TLR6: variants seen among roughly 807,000 people sequenced by gnomAD.
TLR6 encodes the protein toll like receptor 6.
TLR6 carries 9 observed loss-of-function variants against 16.1 expected under a neutral mutation model. The observed-to-expected ratio is 0.56, with a 90% CI of 0.34 to 0.98. The LOEUF (loss-of-function observed/expected upper bound fraction) is 0.98. TLR6 is among the 50% of genes least tolerant of loss of function. The pLI is 0.02. For missense variants in TLR6, 786 were observed against 921.0 expected (o/e 0.85, Z 1.90); for synonymous variants, 340 against 338.6 (o/e 1.00, Z -0.04).
At chr4:38,833,750 C>T (rs1457498871) in intron 1 of TLR6, among the ~76,000 whole-genome samples, 3 of 151,950 alleles carry the variant, frequency 2.0e-5, no homozygotes, top group Admixed American at 1.3e-4. Flanking sequence ...AATAATGATA[C>T]TAAAGAAACT....
At chr4:38,843,305 G>A (rs1395099507) in intron 1 of TLR6, among the ~76,000 whole-genome samples, 5 of 152,162 alleles carry the variant, frequency 3.3e-5, no homozygotes, top group African/African-American at 1.2e-4. Context: ...ATGAGCTCCT[G>A]GGGGACAAAA....
intron 1 of TLR6, among the ~76,000 whole-genome samples, chr4:38,855,972 A>G (rs980072458): frequency 2.0e-5 from 3 of 152,230 alleles, no homozygotes; most frequent in African/African-American, 7.2e-5. Flanking sequence ...GACAAGACCT[A>G]TGAAAATTAA....
upstream of TLR6, among the ~76,000 whole-genome samples, chr4:38,861,305 C>G (rs1052562798): frequency 1.3e-5 from 2 of 152,144 alleles, no homozygotes; most frequent in Non-Finnish European, 2.9e-5. Context: ...TGGACATTCT[C>G]TCTTCTAATA....
In TLR6 at chr4:38,827,811, A is replaced by G. The variant is rs572741220; in HGVS notation, c.1663T>C (p.Trp555Arg). The change falls in exon 2 of 2, where the codon TGG (tryptophan) becomes CGG (arginine). Residue 555 changes from tryptophan to arginine, a missense_variant. Trp to Arg is a moderately radical substitution (Grantham distance 101). Transcript: ENST00000436693. ...TAGTCACACTTATAAGAATCAGGCC[A>G]GCCCTCTAACACTTCACTTGATACT... The G allele has an allele frequency of 2.5e-6, 4 of 1,614,240 alleles. No homozygotes were observed. In the African/African-American group the frequency reaches 5.3e-5, roughly 22 times the overall value.
At chr4:38,824,769 C>T (rs569603388) in exon 2 of TLR6, 10 of 152,282 alleles carry the variant, frequency 6.6e-5, no homozygotes, top group African/African-American at 2.2e-4. Flanking sequence ...AGGCTTATTT[C>T]GTTACAGCTA....
chr4:38,839,499 A>G (rs907722627), intron 1 of TLR6, among the ~76,000 whole-genome samples: 2 of 152,208 alleles, frequency 1.3e-5, no homozygotes, highest in Admixed American at 6.5e-5. Flanking sequence ...TTAAAAAAGC[A>G]GGCAAGAAGC....
chr4:38,855,341 G>T (rs1229641558), intron 1 of TLR6, among the ~76,000 whole-genome samples: 2 of 152,060 alleles, frequency 1.3e-5, no homozygotes, highest in Admixed American at 1.3e-4. Context: ...AATAATAGTG[G>T]TTCTCTGAAT....
At chr4:38,840,467 A>G (rs1195939194) in intron 1 of TLR6, among the ~76,000 whole-genome samples, 2 of 151,916 alleles carry the variant, frequency 1.3e-5, no homozygotes, top group Non-Finnish European at 1.5e-5. Flanking sequence ...CCCCGTCTCT[A>G]CTAAAAAAAT....
intron 1 of TLR6, among the ~76,000 whole-genome samples, chr4:38,831,290 A>G (rs1053110130): frequency 9.7e-6 from 1 of 103,132 alleles, no homozygotes; most frequent in African/African-American, 4.1e-5. Flanking sequence ...AGACCTCCAC[A>G]TGCAAAAAAA....
exon 2 of TLR6, chr4:38,829,251 G>T (rs748024124): frequency 1.2e-6 from 2 of 1,614,180 alleles, no homozygotes; most frequent in Non-Finnish European, 1.7e-6. Flanking sequence ...AACTCTGATA[G>T]AAAGCTCATG....
At chr4:38,828,099 T>C (rs1173218937) in exon 2 of TLR6, 1 of 1,614,230 alleles carries the variant, frequency 6.2e-7, no homozygotes, top group Non-Finnish European at 8.5e-7. Context: ...ATTTTATTGC[T>C]GTGAAGATCA....
intron 1 of TLR6, among the ~76,000 whole-genome samples, chr4:38,843,232 G>C (rs1712365271): frequency 6.6e-6 from 1 of 152,208 alleles, no homozygotes; most frequent in Admixed American, 6.5e-5. Flanking sequence ...CTGAGACAAA[G>C]GACTGGAACT....
intron 1 of TLR6, among the ~76,000 whole-genome samples, chr4:38,839,300 GA>G (rs1381125792): frequency 7.2e-6 from 1 of 139,248 alleles, no homozygotes; most frequent in Non-Finnish European, 1.5e-5. Flanking sequence ...AAAGTCTATT[GA>G]TTTTTTTTTA....
chr4:38,839,155 G>A (rs925322838), intron 1 of TLR6, among the ~76,000 whole-genome samples: 21 of 144,386 alleles, frequency 1.5e-4, no homozygotes, highest in Admixed American at 1.4e-4. Flanking sequence ...GGAGGGAAGG[G>A]GGGGAAGATC....
chr4:38,861,877 G>A, the TLR6 span, among the ~76,000 whole-genome samples: 3 of 152,244 alleles, frequency 2.0e-5, no homozygotes, highest in Middle Eastern at 3.4e-3. Flanking sequence ...ATCTGGGTCC[G>A]TGGCTTCAAA....
intron 1 of TLR6, among the ~76,000 whole-genome samples, chr4:38,849,777 C>A (rs1002734261): frequency 3.3e-5 from 5 of 151,884 alleles, no homozygotes; most frequent in Admixed American, 6.6e-5. Flanking sequence ...GACTCCCACA[C>A]AATAATAATG....
chr4:38,864,469 T>A, the TLR6 span, among the ~76,000 whole-genome samples: 1 of 152,226 alleles, frequency 6.6e-6, no homozygotes, highest in African/African-American at 2.4e-5. Flanking sequence ...ATTGTAGCAT[T>A]ATATGTAATT....
intron 1 of TLR6, among the ~76,000 whole-genome samples, chr4:38,839,948 A>C (rs1579250690): frequency 6.6e-6 from 1 of 152,228 alleles, no homozygotes; most frequent in African/African-American, 2.4e-5. Flanking sequence ...ATCCCGAAAG[A>C]CACAATCCTG....
exon 2 of TLR6, chr4:38,824,016 C>G (rs1727426553): frequency 6.6e-6 from 1 of 152,324 alleles, no homozygotes; most frequent in Non-Finnish European, 1.5e-5. Context: ...GGCGCCCGGG[C>G]CGCCCAGGCA....
Sources: allele counts gnomAD v4.1 joint callset (sites outside exome capture counted in the v4.1 genomes callset), GRCh38; gene constraint gnomAD v4.1.1; transcripts MANE v1.5; gene names NCBI Gene and HGNC (gene_info 2026-07-23, HGNC 2026-07-21).